Variants in SLC25A36 observed in about 807,000 individuals in gnomAD.
The protein encoded by SLC25A36 is solute carrier family 25 member 36.
Under a neutral mutation model 35.3 loss-of-function variants are expected in SLC25A36, and 24 were observed. The ratio of observed to expected loss-of-function variants is 0.68; its 90% CI spans 0.49 to 0.96. The LOEUF (loss-of-function observed/expected upper bound fraction) is 0.96, where lower values mean the gene tolerates loss of function less well. Among genes scored for constraint, SLC25A36 ranks in the 40% least tolerant of loss-of-function variants. The pLI is 0.00. For synonymous variants in SLC25A36, 141 were observed against 132.2 expected, an observed-to-expected ratio of 1.07 and a Z score of -0.46; for missense variants, 294 against 381.1, an observed-to-expected ratio of 0.77 and a Z score of 1.90.
intron 1 of SLC25A36, among the ~76,000 whole-genome samples, chr3:140,942,980 T>C (rs1272075025): frequency 6.6e-6 from 1 of 152,178 alleles, no homozygotes; most frequent in Non-Finnish European, 1.5e-5. Flanking sequence ...TTGAAGATAG[T>C]GTTAATAGTT....
chr3:140,958,009 C>G (rs1934520742), intron 2 of SLC25A36, among the ~76,000 whole-genome samples: 1 of 152,032 alleles, frequency 6.6e-6, no homozygotes, highest in Non-Finnish European at 1.5e-5. Flanking sequence ...TTTACTTAGT[C>G]CTCACAGTAA....
chr3:140,948,287 T>A (rs1462473944), intron 1 of SLC25A36, among the ~76,000 whole-genome samples: 6 of 152,052 alleles, frequency 3.9e-5, no homozygotes, highest in Non-Finnish European at 8.8e-5. Flanking sequence ...AAAAACTCTT[T>A]AAGTTTGGCT....
rs949819736 is a variant in SLC25A36 at position 140,977,037 on chromosome 3, T to G, written c.*584T>G. The G allele has an allele frequency of 2.6e-5, 4 of 152,232 alleles. No individual in the cohort carries two copies. Among genetic ancestry groups the G allele is most frequent in the Non-Finnish European group, 5.9e-5 (4 of 68,050 alleles). 9.4% of individuals were successfully genotyped at this position (152,232 alleles called of 1,614,324 possible). A position where few individuals can be genotyped will look rare whatever the true frequency, so the allele number is the denominator to read the frequency against. On this transcript the variant is annotated 3_prime_UTR_variant, in exon 7 of 7. Coordinates refer to ENST00000324194, the MANE Select transcript of SLC25A36 (RefSeq NM_001104647.3). ...AGCATCAAAATGTTTTGGTTTCCAC[T>G]GCTGACAGGTGCTTGTTGTTTAGCC...
intron 2 of SLC25A36, 96 bp from the exon 3 acceptor site, chr3:140,959,367 A>G: frequency 2.7e-6 from 2 of 737,664 alleles, no homozygotes; most frequent in East Asian, 3.4e-5. Flanking sequence ...ACATAATACA[A>G]ATGTACTGGA....
intron 4 of SLC25A36, among the ~76,000 whole-genome samples, chr3:140,968,991 A>C (rs1934835078): frequency 6.6e-6 from 1 of 151,852 alleles, no homozygotes; most frequent in Admixed American, 6.6e-5. Context: ...TTGTTGGTTT[A>C]TGCTGCTTAG....
At chr3:140,960,580 C>G (rs755832454) in intron 3 of SLC25A36, among the ~76,000 whole-genome samples, 3 of 152,028 alleles carry the variant, frequency 2.0e-5, no homozygotes, top group African/African-American at 4.8e-5. Context: ...ATTTGTGTAT[C>G]GTTGAAGGGC....
Position 140,963,352 on chromosome 3 carries a change from G to A in SLC25A36, c.385+125G>A, listed in dbSNP as rs563139416. The A allele has an allele frequency of 5.7e-4, 372 of 656,522 alleles. 1 individual carries two copies. In the African/African-American group the frequency reaches 6.1e-3, roughly 11 times the overall value. The allele number at this position is 656,522 out of a possible 1,614,324, so 40.7% of individuals were successfully genotyped here. A position where few individuals can be genotyped will look rare whatever the true frequency, so the allele number is the denominator to read the frequency against. ...TTTTCATTGATTAGATGATTTTTAC[G>A]TTTATCGATATAAACCAAATTAGGT... On this transcript the variant is annotated intron_variant, in intron 4 of 6. Coordinates refer to ENST00000324194, the MANE Select transcript of SLC25A36 (RefSeq NM_001104647.3).
At chr3:140,954,925 A>G (rs1934437335) in intron 1 of SLC25A36, among the ~76,000 whole-genome samples, 1 of 152,138 alleles carries the variant, frequency 6.6e-6, no homozygotes, top group Non-Finnish European at 1.5e-5. Flanking sequence ...ACGCAAAGTT[A>G]AAAGATTTTT....
intron 5 of SLC25A36, among the ~76,000 whole-genome samples, chr3:140,971,548 G>A (rs1420815373): frequency 2.0e-5 from 3 of 152,128 alleles, no homozygotes; most frequent in African/African-American, 7.2e-5. Flanking sequence ...GGAAACAGTG[G>A]GGACTTATTT....
At chr3:140,957,689 C>T (rs949366033) in intron 2 of SLC25A36, among the ~76,000 whole-genome samples, 3 of 151,878 alleles carry the variant, frequency 2.0e-5, no homozygotes, top group African/African-American at 4.8e-5. Flanking sequence ...TGCAGTGAGC[C>T]GAGATTGCGC....
At chr3:140,945,527 C>T (rs1328119438) in intron 1 of SLC25A36, among the ~76,000 whole-genome samples, 2 of 152,156 alleles carry the variant, frequency 1.3e-5, no homozygotes, top group East Asian at 3.8e-4. Context: ...TGTAGCACAA[C>T]ATTGTGGGTC....
chr3:140,951,115 A>G (rs1934312452), intron 1 of SLC25A36, among the ~76,000 whole-genome samples: 2 of 152,116 alleles, frequency 1.3e-5, no homozygotes, highest in South Asian at 4.1e-4. Context: ...TCCCTCTGCA[A>G]GCCTTTCTTC....
chr3:140,942,152 A>G (rs1934019415), intron 1 of SLC25A36, 57 bp downstream of exon 1: 2 of 202,282 alleles, frequency 9.9e-6, no homozygotes, highest in Non-Finnish European at 1.6e-5. Context: ...CCGAAGACGC[A>G]GGCGAGGGGG....
intron 2 of SLC25A36, among the ~76,000 whole-genome samples, chr3:140,958,959 TTTGTG>T (rs1264214390): frequency 1.6e-5 from 2 of 123,924 alleles, no homozygotes; most frequent in South Asian, 2.7e-4. Context: ...AAAACAATGT[TTTGTG>T]TGTGTGTGTG....
chr3:140,968,431 G>A (rs1186140714), intron 4 of SLC25A36: 18 of 980,550 alleles, frequency 1.8e-5, no homozygotes, highest in Admixed American at 6.2e-5. Context: ...TAGCAATTAC[G>A]TAGGGATAAG....
intron 5 of SLC25A36, among the ~76,000 whole-genome samples, chr3:140,971,842 T>G (rs1042589957): frequency 6.6e-6 from 1 of 152,238 alleles, no homozygotes; most frequent in African/African-American, 2.4e-5. Flanking sequence ...GTGTATAACA[T>G]GTTTCTACTG....
At chr3:140,971,693 G>A (rs1033697645) in intron 5 of SLC25A36, among the ~76,000 whole-genome samples, 18 of 152,140 alleles carry the variant, frequency 1.2e-4, no homozygotes, top group East Asian at 1.9e-4. Context: ...GCAGTGCTGC[G>A]TAGGGTCTTG....
At chr3:140,955,509 A>G (rs922668664) in intron 1 of SLC25A36, among the ~76,000 whole-genome samples, 22 of 152,218 alleles carry the variant, frequency 1.4e-4, no homozygotes, top group African/African-American at 5.1e-4. Flanking sequence ...AAATAAGAAA[A>G]TAATAATTAC....
intron 1 of SLC25A36, among the ~76,000 whole-genome samples, chr3:140,949,138 A>G (rs961431268): frequency 3.3e-5 from 5 of 152,312 alleles, no homozygotes; most frequent in Non-Finnish European, 7.3e-5. Context: ...AAACAAAAAA[A>G]CACTATCTTT....
Sources: gnomAD v4.1 joint callset for allele counts (sites outside exome capture counted in the v4.1 genomes callset) on GRCh38, gnomAD v4.1.1 for gene constraint, MANE v1.5 for transcripts, NCBI Gene and HGNC (gene_info 2026-07-23, HGNC 2026-07-21) for gene names.